The following BACH1 variants were observed in gnomAD, a reference collection of about 807,000 sequenced individuals.
BACH1 encodes the protein transcription regulator protein BACH1.
Under a neutral mutation model 52.9 loss-of-function variants are expected in BACH1, and 35 were observed. The ratio of observed to expected loss-of-function variants is 0.66; its 90% CI spans 0.51 to 0.88. BACH1 has a LOEUF of 0.88. Among genes scored for constraint, BACH1 ranks in the 40% least tolerant of loss-of-function variants. The pLI is 0.00. For missense variants in BACH1, 808 were observed against 872.6 expected, an observed-to-expected ratio of 0.93 and a Z score of 0.93; for synonymous variants, 321 against 319.6, an observed-to-expected ratio of 1.00 and a Z score of -0.05.
intron 1 of BACH1, among the ~76,000 whole-genome samples, chr21:29,306,142 TTAG>T (rs1246555239): frequency 6.6e-6 from 1 of 150,924 alleles, no homozygotes; most frequent in Admixed American, 6.6e-5. Context: ...GAAATAGATT[TTAG>T]TAGGGAGAAG....
chr21:29,334,106 T>A (rs946432056), intron 4 of BACH1, among the ~76,000 whole-genome samples: 16 of 151,836 alleles, frequency 1.1e-4, no homozygotes, highest in Non-Finnish European at 1.8e-4. Flanking sequence ...TTTTTTATTT[T>A]TTTTATTTTT....
chr21:29,354,134 G>T (rs1414901622), intron 2 of BACH1, among the ~76,000 whole-genome samples: 1 of 152,198 alleles, frequency 6.6e-6, no homozygotes, highest in Non-Finnish European at 1.5e-5. Flanking sequence ...ATATGCAAAG[G>T]CTGAGGGATG....
intron 1 of BACH1, chr21:29,305,118 G>T (rs1428590998): frequency 6.6e-6 from 1 of 151,166 alleles, no homozygotes; most frequent in Non-Finnish European, 1.5e-5. Context: ...CCCTAGGTAA[G>T]AGTCATAATT....
intron 3 of BACH1, among the ~76,000 whole-genome samples, chr21:29,328,753 T>A (rs2088946026): frequency 1.3e-5 from 2 of 152,192 alleles, no homozygotes; most frequent in South Asian, 4.1e-4. Context: ...TCTGTTTCTG[T>A]GAGTTTGACT....
In BACH1 at chr21:29,321,528, G is replaced by A. The variant is rs765042667; in HGVS notation, c.234+14G>A. The A allele has an allele frequency of 1.8e-5, 29 of 1,603,810 alleles. No individual in the cohort carries two copies. In the African/African-American group the frequency reaches 2.5e-4, roughly 14 times the overall value. ...CTTCCAGAAGAGGTGAGAGATCCAT[G>A]TTTTTGGCAATTTTAATCTACTTTT... On this transcript the variant is annotated intron_variant, in intron 2 of 4. Transcript: ENST00000286800.
At chr21:29,346,964 C>T (rs1482681825), downstream of BACH1, among the ~76,000 whole-genome samples, 1 of 152,076 alleles carries the variant, frequency 6.6e-6, no homozygotes, top group African/African-American at 2.4e-5. Context: ...AGGAAGGCCC[C>T]CACTTGAGTG....
At chr21:29,319,220 T>C (rs1020310935) in intron 1 of BACH1, among the ~76,000 whole-genome samples, 1 of 152,180 alleles carries the variant, frequency 6.6e-6, no homozygotes, top group Non-Finnish European at 1.5e-5. Context: ...GGATAGTCTC[T>C]GGAGAGACTT....
At chr21:29,319,148 A>C (rs2123431186) in intron 1 of BACH1, among the ~76,000 whole-genome samples, 1 of 152,336 alleles carries the variant, frequency 6.6e-6, no homozygotes, top group South Asian at 2.1e-4. Context: ...TCTAGCACTT[A>C]GCTCAGTGCC....
intron 3 of BACH1, 36 bp downstream of exon 3, chr21:29,327,429 T>A: frequency 6.3e-7 from 1 of 1,579,834 alleles, no homozygotes; most frequent in Non-Finnish European, 8.6e-7. Flanking sequence ...ATTGTTTTAA[T>A]AACCATTAAT....
chr21:29,346,660 C>A (rs1038515544), downstream of BACH1, among the ~76,000 whole-genome samples: 4 of 152,128 alleles, frequency 2.6e-5, no homozygotes, highest in Non-Finnish European at 4.4e-5. Context: ...GCCAGGACAG[C>A]CCTCACAACA....
intron 1 of BACH1, among the ~76,000 whole-genome samples, chr21:29,313,649 C>A (rs991262794): frequency 6.6e-6 from 1 of 152,124 alleles, no homozygotes; most frequent in African/African-American, 2.4e-5. Flanking sequence ...TATGCAACAA[C>A]ATGAATGAAC....
Position 29,321,534 on chromosome 21 carries a change from G to A in BACH1, c.234+20G>A. The A allele has an allele frequency of 6.2e-7, 1 of 1,601,286 alleles. No homozygotes were observed. The highest frequency in any genetic ancestry group is 1.1e-5 in the South Asian group (1 of 90,446). ...GAAGAGGTGAGAGATCCATGTTTTT[G>A]GCAATTTTAATCTACTTTTACTTAA... is the stretch of plus-strand genomic sequence containing the variant. On this transcript the variant is annotated intron_variant, in intron 2 of 4. Transcript: ENST00000286800.
At chr21:29,349,739 C>CTGG (rs1157394303), downstream of BACH1, among the ~76,000 whole-genome samples, 4 of 152,156 alleles carry the variant, frequency 2.6e-5, no homozygotes, top group African/African-American at 9.7e-5. Flanking sequence ...TTGGGTGCAC[C>CTGG]AGGTACCGTG....
chr21:29,342,728 C>G lies in BACH1; in HGVS notation c.2106C>G (p.Ser702=). The change falls in exon 5 of 5, where the codon TCC becomes TCG. Residue 702 remains serine, a synonymous_variant. Coordinates refer to ENST00000286800, the MANE Select transcript of BACH1 (RefSeq NM_001186.4). The part of the protein sequence containing the change: ...YARGQESQQM[S]TATSEQAGPA... ...GAGGGCAGGAGTCCCAGCAGATGTC[C>G]ACAGCCACCTCTGAGCAAGCTGGGC... is the stretch of plus-strand genomic sequence containing the variant. 1 of 1,614,184 alleles carries G rather than the reference C, an allele frequency of 6.2e-7. No homozygotes were observed. The highest frequency in any genetic ancestry group is 8.5e-7 in the Non-Finnish European group (1 of 1,180,046).
intron 4 of BACH1, among the ~76,000 whole-genome samples, chr21:29,333,072 A>C (rs1302104643): frequency 6.6e-6 from 1 of 152,248 alleles, no homozygotes; most frequent in East Asian, 1.9e-4. Context: ...CTCCAGTTGC[A>C]GCGTGAGGGG....
intron 1 of BACH1, among the ~76,000 whole-genome samples, chr21:29,312,685 A>G (rs550616716): frequency 6.6e-6 from 1 of 152,348 alleles, no homozygotes; most frequent in Admixed American, 6.5e-5. Flanking sequence ...AACTATAAAC[A>G]TTAAATGCTG....
Position 29,326,810 on chromosome 21 carries a change from A to G in BACH1, c.986A>G (p.Tyr329Cys), listed in dbSNP as rs748728922. The G allele has an allele frequency of 8.5e-5, 138 of 1,614,206 alleles. No individual in the cohort carries two copies. Among genetic ancestry groups the G allele is most frequent in the Non-Finnish European group, 9.7e-5 (114 of 1,180,046 alleles). ...GLYSLSLLHT[Y>C]DQYGDLNFAG... The stretch of plus-strand genomic sequence containing the variant: ...TATTCTTTGTCTCTTTTACACACAT[A>G]TGACCAATATGGTGACTTGAATTTT... The change falls in exon 3 of 5, where the codon TAT becomes TGT. Residue 329 changes from tyrosine to cysteine, a missense_variant. Transcript: ENST00000286800.
At chr21:29,356,370 GA>G (rs2123493112) in intron 2 of BACH1, among the ~76,000 whole-genome samples, 1 of 152,310 alleles carries the variant, frequency 6.6e-6, no homozygotes, top group South Asian at 2.1e-4. Context: ...TATTAACTTA[GA>G]ATTGGTATAG....
At chr21:29,302,293 A>G (rs918449733) in intron 1 of BACH1, among the ~76,000 whole-genome samples, 5 of 152,248 alleles carry the variant, frequency 3.3e-5, no homozygotes, top group African/African-American at 1.2e-4. Context: ...GCAATTCGCC[A>G]GAATCCGTGC....
Sources: gnomAD v4.1 joint callset for allele counts (sites outside exome capture counted in the v4.1 genomes callset) on GRCh38, gnomAD v4.1.1 for gene constraint, MANE v1.5 for transcripts, NCBI Gene and HGNC (gene_info 2026-07-23, HGNC 2026-07-21) for gene names.